IQCB1: variants seen among roughly 807,000 people sequenced by gnomAD.
The protein encoded by IQCB1 is IQ calmodulin-binding motif-containing protein 1.
IQCB1 carries 56 observed loss-of-function variants against 84.4 expected under a neutral mutation model. The observed-to-expected ratio is 0.66, with a 90% CI of 0.54 to 0.83. IQCB1 has a LOEUF of 0.83. IQCB1 is among the 40% of genes least tolerant of loss of function. The probability of loss-of-function intolerance (pLI) is 0.00; values close to 1 mark genes in which losing one functional copy is unlikely to be tolerated. For missense variants in IQCB1, 629 were observed against 682.1 expected (o/e 0.92, Z 0.87); for synonymous variants, 210 against 234.8 (o/e 0.89, Z 0.96).
intron 12 of IQCB1, among the ~76,000 whole-genome samples, chr3:121,785,389 G>T (rs781260612): frequency 2.0e-5 from 3 of 151,898 alleles, no homozygotes; most frequent in Non-Finnish European, 4.4e-5. Flanking sequence ...AGAGTAGCTG[G>T]GACTACCAGT....
chr3:121,802,033 T>C (rs1034215969), intron 7 of IQCB1, among the ~76,000 whole-genome samples: 1 of 151,978 alleles, frequency 6.6e-6, no homozygotes, highest in African/African-American at 2.4e-5. Flanking sequence ...GAATTTGACT[T>C]ATAAAATTTT....
In IQCB1 at chr3:121,785,302, G is replaced by T. The variant is rs1948663636; in HGVS notation, c.1278+2982C>A. 1.3e-5 allele frequency among the ~76,000 whole-genome samples: 2 copies of T among 150,900 alleles called. 1 individual carries two copies. Among genetic ancestry groups the T allele is most frequent in the South Asian group, 4.2e-4 (2 of 4,764 alleles). On this transcript the variant is annotated intron_variant, in intron 12 of 14. Transcript: ENST00000310864. ...GGTCTTATTCCTATTACCCAGGCTA[G>T]AGTGCAGTGGTGTGATCACAGCTCA...
At chr3:121,787,437 G>A (rs903927143) in intron 12 of IQCB1, among the ~76,000 whole-genome samples, 1 of 152,166 alleles carries the variant, frequency 6.6e-6, no homozygotes, top group African/African-American at 2.4e-5. Context: ...ATGCTCTAGA[G>A]AGATCACAGA....
intron 8 of IQCB1, among the ~76,000 whole-genome samples, chr3:121,797,709 T>C (rs1466187872): frequency 2.6e-5 from 4 of 152,068 alleles, no homozygotes; most frequent in African/African-American, 9.7e-5. Context: ...TATGGTAACA[T>C]ATATAATTTG....
At chr3:121,814,269 T>G (rs571604507) in intron 5 of IQCB1, among the ~76,000 whole-genome samples, 68 of 152,200 alleles carry the variant, frequency 4.5e-4, no homozygotes, top group African/African-American at 1.5e-3. Context: ...GCTAGAACAG[T>G]GTGTAGAGGG....
intron 7 of IQCB1, among the ~76,000 whole-genome samples, chr3:121,801,804 C>T (rs555073347): frequency 8.1e-6 from 1 of 123,024 alleles, no homozygotes; most frequent in African/African-American, 3.2e-5. Context: ...TACTTTGCTG[C>T]AAGGCCTTTT....
Position 121,777,590 on chromosome 3 carries a change from T to TA in IQCB1, c.1410+4152dup, listed in dbSNP as rs1391635332. Among the ~76,000 whole-genome samples, 3 of 152,308 alleles carry TA rather than the reference T, an allele frequency of 2.0e-5. No individual in the cohort carries two copies. In the East Asian group the frequency reaches 5.8e-4, roughly 29 times the overall value. On this transcript the variant is annotated intron_variant, in intron 13 of 14. Transcript: ENST00000310864. ...CTGTAATTACCATTTCCAGTGCTCT[T>TA]AATTTCTTTATGTAGAGCCAGATTT...
At chr3:121,775,706 T>G (rs943785639) in intron 13 of IQCB1, among the ~76,000 whole-genome samples, 2 of 152,210 alleles carry the variant, frequency 1.3e-5, no homozygotes, top group African/African-American at 4.8e-5. Context: ...CCCCTAAATT[T>G]TTTTTTAAGC....
At chr3:121,827,601 T>G (rs920529749) in intron 4 of IQCB1, among the ~76,000 whole-genome samples, 1 of 152,100 alleles carries the variant, frequency 6.6e-6, no homozygotes, top group African/African-American at 2.4e-5. Flanking sequence ...AAAATCAATC[T>G]TGAAAATTAA....
chr3:121,797,836 G>A (rs893486752), intron 8 of IQCB1, among the ~76,000 whole-genome samples: 1 of 151,940 alleles, frequency 6.6e-6, no homozygotes, highest in African/African-American at 2.4e-5. Context: ...AGTAAGTACT[G>A]TTTCCAGGGT....
At chr3:121,802,810 C>G (rs1949458463) in intron 7 of IQCB1, among the ~76,000 whole-genome samples, 1 of 152,140 alleles carries the variant, frequency 6.6e-6, no homozygotes, top group South Asian at 2.1e-4. Flanking sequence ...TAAATTTCCC[C>G]TAAGTATCAT....
intron 13 of IQCB1, among the ~76,000 whole-genome samples, chr3:121,778,779 G>A (rs145987427): frequency 2.8e-3 from 419 of 151,790 alleles, no homozygotes; most frequent in Non-Finnish European, 3.8e-3. Context: ...GATGGCAGGC[G>A]CCTGTAATCC....
At chr3:121,786,710 T>C (rs868224923) in intron 12 of IQCB1, among the ~76,000 whole-genome samples, 1 of 152,168 alleles carries the variant, frequency 6.6e-6, no homozygotes, top group Non-Finnish European at 1.5e-5. Context: ...ATGGAAAGTA[T>C]AAAAGCCAAA....
At position 121,790,213 on chromosome 3, in the gene IQCB1, G is replaced by C. The variant is rs1042365835; in HGVS notation, c.989C>G (p.Ser330Cys). 1 of 1,613,162 alleles carries C rather than the reference G, an allele frequency of 6.2e-7. No individual in the cohort carries two copies. The highest frequency in any genetic ancestry group is 1.3e-5 in the African/African-American group (1 of 74,812). The change falls in exon 11 of 15, where the codon TCC becomes TGC. Residue 330 changes from serine to cysteine, a missense_variant and splice_region_variant. By Grantham distance (112) the Ser-to-Cys change is moderately radical (BLOSUM62 -1). Transcript: ENST00000310864. Reference protein sequence around the residue: ...AVIALQRSFRSKRSKMLLEIN... With the variant: ...AVIALQRSFRCKRSKMLLEIN... ...CTCCAGCAACATCTTTGATCGTTTG[G>C]ATCTGTGATGGAAACAGTGTGTTAT... is the stretch of plus-strand genomic sequence containing the variant.
chr3:121,770,540 T>C lies in IQCB1; in HGVS notation c.1602A>G (p.Glu534=). The change falls in exon 15 of 15, where the codon GAA becomes GAG. Residue 534 remains glutamate, a synonymous_variant. Coordinates refer to ENST00000310864, the MANE Select transcript of IQCB1 (RefSeq NM_001023570.4). ...APSLKEAEGK[E]PELFLSRSRP... Reference sequence around the variant, plus strand: ...TGGATCTACTTAGGAAGAGCTCAGGTTCTTTCCCTTCTGCCTCCTTCAGAC... The same window carrying C: ...TGGATCTACTTAGGAAGAGCTCAGGCTCTTTCCCTTCTGCCTCCTTCAGAC... 1 of 1,614,062 alleles carries C rather than the reference T, an allele frequency of 6.2e-7. No homozygotes were observed. The highest frequency in any genetic ancestry group is 8.5e-7 in the Non-Finnish European group (1 of 1,180,026).
At chr3:121,819,379 C>G (rs1233225728) in intron 5 of IQCB1, among the ~76,000 whole-genome samples, 1 of 152,130 alleles carries the variant, frequency 6.6e-6, no homozygotes, top group East Asian at 1.9e-4. Flanking sequence ...GGAGGCAGAG[C>G]TCAGGCGGTA....
intron 13 of IQCB1, among the ~76,000 whole-genome samples, chr3:121,778,508 T>C (rs1389992479): frequency 2.6e-5 from 4 of 151,010 alleles, no homozygotes; most frequent in African/African-American, 9.8e-5. Flanking sequence ...ATCAAGTCTT[T>C]CAGCTTTTGT....
At chr3:121,808,260 A>T (rs76808446) in intron 6 of IQCB1, among the ~76,000 whole-genome samples, 13,311 of 152,010 alleles carry the variant, frequency 0.088, 806 homozygotes, top group Non-Finnish European at 0.13. Flanking sequence ...AATTATGTGC[A>T]TGCAATGATT....
intron 6 of IQCB1, among the ~76,000 whole-genome samples, chr3:121,808,039 T>A (rs1379792766): frequency 1.3e-5 from 2 of 152,128 alleles, no homozygotes; most frequent in South Asian, 2.1e-4. Context: ...AGCTCTCACA[T>A]GAGCTAATGT....
Sources: allele counts gnomAD v4.1 joint callset (sites outside exome capture counted in the v4.1 genomes callset), GRCh38; gene constraint gnomAD v4.1.1; transcripts MANE v1.5; gene names NCBI Gene and HGNC (gene_info 2026-07-23, HGNC 2026-07-21).